FBLN5: variants seen among roughly 807,000 people sequenced by gnomAD.
FBLN5 encodes the protein fibulin 5.
In FBLN5, 24 loss-of-function variants were observed where a neutral mutation model predicts 61.6. The ratio of observed to expected loss-of-function variants is 0.39; its 90% CI spans 0.28 to 0.55. The LOEUF is 0.55. Among genes scored for constraint, FBLN5 ranks in the 20% least tolerant of loss-of-function variants. The pLI, the probability that FBLN5 is intolerant of heterozygous loss-of-function variation, is 0.65. For missense variants in FBLN5, 470 were observed against 594.1 expected, an observed-to-expected ratio of 0.79 and a Z score of 2.17; for synonymous variants, 213 against 219.8, an observed-to-expected ratio of 0.97 and a Z score of 0.27.
intron 4 of FBLN5, among the ~76,000 whole-genome samples, chr14:91,908,439 T>C (rs1368597409): frequency 6.6e-6 from 1 of 152,218 alleles, no homozygotes; most frequent in Non-Finnish European, 1.5e-5. Context: ...CTCTCTTGGT[T>C]TGGGGACTTC....
At chr14:91,911,127 G>A (rs1320902957) in intron 4 of FBLN5, among the ~76,000 whole-genome samples, 1 of 152,066 alleles carries the variant, frequency 6.6e-6, no homozygotes, top group Admixed American at 6.6e-5. Flanking sequence ...GAGAATACAG[G>A]TGCATGCCAC....
At chr14:91,910,004 C>T (rs1890853013) in intron 4 of FBLN5, among the ~76,000 whole-genome samples, 1 of 152,200 alleles carries the variant, frequency 6.6e-6, no homozygotes, top group Non-Finnish European at 1.5e-5. Flanking sequence ...CCACATGATC[C>T]AGCAATATTA....
chr14:91,894,871 AGCTATGCCCATACCTCAAAATG>A, intron 5 of FBLN5, 57 bp downstream of exon 5: 1 of 973,510 alleles, frequency 1.0e-6, no homozygotes, highest in Non-Finnish European at 1.4e-6. Flanking sequence ...TCAGGCAGCC[AGCTATGCCCATACCTCAAAATG>A]CCCCTGGCAA....
chr14:91,878,801 T>C lies in FBLN5; in HGVS notation c.990-1119A>G, dbSNP rs1031402597. 2.6e-5 allele frequency among the ~76,000 whole-genome samples: 4 copies of C among 152,388 alleles called. No homozygotes were observed. The South Asian group carries it at 8.3e-4, about 32-fold the overall frequency. On this transcript the variant is annotated intron_variant, in intron 9 of 10. Coordinates refer to ENST00000342058, the MANE Select transcript of FBLN5 (RefSeq NM_006329.4). ...AACCATCCAGCCTACTCTTCCTTTTTATAAATTTCCATTCATTCTGAGCAG... is the reference window on the plus strand; with the variant it reads ...AACCATCCAGCCTACTCTTCCTTTTCATAAATTTCCATTCATTCTGAGCAG...
intron 6 of FBLN5, among the ~76,000 whole-genome samples, 190 bp from the exon 7 acceptor site, chr14:91,887,502 T>C (rs1229727388): frequency 1.3e-5 from 2 of 152,020 alleles, no homozygotes; most frequent in Non-Finnish European, 2.9e-5. Flanking sequence ...GACCGGGGCC[T>C]CCATCCACAT....
chr14:91,942,284 AG>A, intron 2 of FBLN5: 1 of 418,224 alleles, frequency 2.4e-6, no homozygotes, highest in Non-Finnish European at 4.8e-6. Flanking sequence ...GTTTCAGCCC[AG>A]GGATGGGCCC....
At chr14:91,879,578 C>T (rs1246768310) in intron 9 of FBLN5, among the ~76,000 whole-genome samples, 1 of 152,038 alleles carries the variant, frequency 6.6e-6, no homozygotes, top group Non-Finnish European at 1.5e-5. Flanking sequence ...GACGGGGTGG[C>T]CTGGAAAAAC....
chr14:91,943,436 G>A lies in FBLN5; in HGVS notation c.18-475C>T, dbSNP rs1256628080. On this transcript the variant is annotated intron_variant, in intron 1 of 10. Transcript: ENST00000342058. The surrounding 1 kb of genome is among the most constrained non-coding windows in gnomAD (Gnocchi z 4.0). ...TGAGGTGGGATCACCTGAGCCCAGGGGGTTTGAGGCTGCAGTGAGCTGAGA... is the reference window on the plus strand; with the variant it reads ...TGAGGTGGGATCACCTGAGCCCAGGAGGTTTGAGGCTGCAGTGAGCTGAGA... Among the ~76,000 whole-genome samples, 1 of 151,990 alleles carries A rather than the reference G, an allele frequency of 6.6e-6. No homozygotes were observed. Among genetic ancestry groups the A allele is most frequent in the African/African-American group, 2.4e-5 (1 of 41,364 alleles).
Position 91,943,983 on chromosome 14 carries a change from C to T in FBLN5, c.18-1022G>A, listed in dbSNP as rs918875766. ...TCTGGGAGTCTGCAACTCTGCCCTT[C>T]GCCACGCACAGGCTTTAATCCAGTA... On this transcript the variant is annotated intron_variant, in intron 1 of 10. Transcript: ENST00000342058. The surrounding 1 kb of genome is among the most constrained non-coding windows in gnomAD (Gnocchi z 4.0). 1.3e-5 allele frequency among the ~76,000 whole-genome samples: 2 copies of T among 152,192 alleles called. No individual in the cohort carries two copies. The highest frequency in any genetic ancestry group is 2.9e-5 in the Non-Finnish European group (2 of 68,032).
At position 91,919,128 on chromosome 14, in the gene FBLN5, C is replaced by T. The variant is rs141633530; in HGVS notation, c.379+17819G>A. 5.4e-3 allele frequency among the ~76,000 whole-genome samples: 826 copies of T among 151,994 alleles called. 9 individuals carry two copies. Among genetic ancestry groups the T allele is most frequent in the South Asian group, 0.034 (163 of 4,812 alleles). On this transcript the variant is annotated intron_variant, in intron 4 of 10. Transcript: ENST00000342058. ...GGTGGATCACTTGAGCCCAGGAGTT[C>T]GAGGTCAGCCAGGCCAACATGGTGA...
chr14:91,914,581 A>G (rs2140012785), intron 4 of FBLN5, among the ~76,000 whole-genome samples: 1 of 151,678 alleles, frequency 6.6e-6, no homozygotes, highest in East Asian at 1.9e-4. Flanking sequence ...GCTGCAGTGA[A>G]CCATGATCAT....
intron 4 of FBLN5, among the ~76,000 whole-genome samples, chr14:91,916,438 T>C (rs765473493): frequency 3.3e-5 from 5 of 152,178 alleles, no homozygotes; most frequent in Admixed American, 6.6e-5. Context: ...CAGAGCGAGA[T>C]TCTGTCTCAA....
At chr14:91,935,368 C>T (rs944977174) in intron 4 of FBLN5, among the ~76,000 whole-genome samples, 12 of 152,230 alleles carry the variant, frequency 7.9e-5, no homozygotes, top group Admixed American at 6.5e-4. Flanking sequence ...GTCTGCACCA[C>T]GACCACCCAA....
intron 3 of FBLN5, chr14:91,939,932 C>A (rs553625004): frequency 1.7e-4 from 78 of 453,566 alleles, no homozygotes; most frequent in Admixed American, 1.2e-3. Context: ...GAAGAAGAGG[C>A]TGATTGGTCA....
intron 4 of FBLN5, among the ~76,000 whole-genome samples, chr14:91,912,279 G>A (rs1890980936): frequency 6.6e-6 from 1 of 152,138 alleles, no homozygotes; most frequent in East Asian, 1.9e-4. Flanking sequence ...TGAGGATCAC[G>A]TGAGGCCAGG....
rs1191968093 is a variant in FBLN5, at chr14:91,947,491, T to TA, written c.-263dup. On this transcript the variant is annotated 5_prime_UTR_variant, in exon 1 of 11. It removes the in-frame stop codon of an upstream open reading frame in the 5' UTR. Coordinates refer to ENST00000342058, the MANE Select transcript of FBLN5 (RefSeq NM_006329.4). The surrounding 1 kb of genome is among the most constrained non-coding windows in gnomAD (Gnocchi z 4.3). ...ATTAAACCAATTGGAGGAGGAATGT[T>TA]AAAAATGAACACTTCATTTTCTAAG... The TA allele has an allele frequency of 1.7e-6, 1 of 598,550 alleles. No homozygotes were observed. The highest frequency in any genetic ancestry group is 1.9e-5 in the African/African-American group (1 of 53,730). The allele number at this position is 598,550 out of a possible 1,614,324, so 37.1% of individuals were successfully genotyped here. A position where few individuals can be genotyped will look rare whatever the true frequency, so the allele number is the denominator to read the frequency against.
At chr14:91,924,503 C>T (rs766368012) in intron 4 of FBLN5, among the ~76,000 whole-genome samples, 9 of 144,400 alleles carry the variant, frequency 6.2e-5, no homozygotes, top group African/African-American at 1.3e-4. Flanking sequence ...GCCTGGCCAA[C>T]GTGGTGAAAC....
chr14:91,921,518 G>A (rs1365548214), intron 4 of FBLN5, among the ~76,000 whole-genome samples: 3 of 145,926 alleles, frequency 2.1e-5, no homozygotes, highest in Non-Finnish European at 4.7e-5. Flanking sequence ...TGCAGCCCCC[G>A]GGCCAGCAGC....
At chr14:91,871,218 AT>A (rs1317723141) in intron 10 of FBLN5, among the ~76,000 whole-genome samples, 1 of 44,500 alleles carries the variant, frequency 2.2e-5, no homozygotes, top group African/African-American at 4.6e-5. Context: ...CAGATCAGTA[AT>A]TTAAAAAAAA....
Sources: gnomAD v4.1 joint callset for allele counts (sites outside exome capture counted in the v4.1 genomes callset) on GRCh38, gnomAD v4.1.1 for gene constraint, Gnocchi (gnomAD v3.1) non-coding constraint, MANE v1.5 for transcripts, NCBI Gene and HGNC (gene_info 2026-07-23, HGNC 2026-07-21) for gene names.